The following SSR1 variants were observed in gnomAD, a reference collection of about 807,000 sequenced individuals.
SSR1 encodes the protein signal sequence receptor subunit 1, also known as translocon-associated protein subunit alpha.
Under a neutral mutation model 36.1 loss-of-function variants are expected in SSR1, and 13 were observed. The observed-to-expected ratio is 0.36, with a 90% CI of 0.23 to 0.57. The LOEUF (loss-of-function observed/expected upper bound fraction) is 0.57, where lower values mean the gene tolerates loss of function less well. Among genes scored for constraint, SSR1 ranks in the 20% least tolerant of loss-of-function variants. SSR1 has a pLI of 0.81. For missense variants in SSR1, 291 were observed against 338.5 expected (o/e 0.86, Z 1.10); for synonymous variants, 113 against 118.9 (o/e 0.95, Z 0.32).
Position 7,293,959 on chromosome 6 carries a change from T to C in SSR1, c.793+1433A>G, listed in dbSNP as rs144139129. On this transcript the variant is annotated intron_variant, in intron 7 of 7. Transcript: ENST00000244763. ...ATTAAATAGGCAATATTGTGCATGG[T>C]TGAGAACATAAATTGGCACTACCTT... Among the ~76,000 whole-genome samples the C allele has an allele frequency of 1.7e-3, 260 of 152,314 alleles. 1 individual carries two copies. The highest frequency in any genetic ancestry group is 5.8e-3 in the African/African-American group (241 of 41,574).
Position 7,284,518 on chromosome 6 carries a change from G to C in SSR1, c.*5346C>G, listed in dbSNP as rs551877246. 6 of 152,286 alleles carry C rather than the reference G, an allele frequency of 3.9e-5. No homozygotes were observed. In the South Asian group the frequency reaches 1.2e-3, roughly 32 times the overall value. The allele number at this position is 152,286 out of a possible 1,614,324, so 9.4% of individuals were successfully genotyped here. On this transcript the variant is annotated 3_prime_UTR_variant, in exon 8 of 8. Coordinates refer to ENST00000244763, the MANE Select transcript of SSR1 (RefSeq NM_003144.5). ...CCATGCTTCATGGGATGTTATTACA[G>C]TATGGTGCTTTACAGCGAAAATGAG...
chr6:7,298,132 T>C, intron 5 of SSR1, 131 bp from the exon 6 acceptor site: 1 of 625,282 alleles, frequency 1.6e-6, no homozygotes, highest in Non-Finnish European at 2.6e-6. Flanking sequence ...AAATGCTTTG[T>C]ATTCAACTTA....
At position 7,295,379 on chromosome 6, in the gene SSR1, T is replaced by TAA. The variant is rs1199147674; in HGVS notation, c.793+11_793+12dup. ...GAGAAAAACTTCCCAGCCAAGTCTG[T>TAA]AAGACTACTTACTGATTTGATTCAA... On this transcript the variant is annotated intron_variant, in intron 7 of 7. Coordinates refer to ENST00000244763, the MANE Select transcript of SSR1 (RefSeq NM_003144.5). 1.3e-6 allele frequency: 2 copies of TAA among 1,595,430 alleles called. No individual in the cohort carries two copies. The highest frequency in any genetic ancestry group is 3.4e-5 in the Admixed American group (2 of 58,292).
Position 7,288,521 on chromosome 6 carries a change from G to A in SSR1, c.*1343C>T, listed in dbSNP as rs1037570279. Reference sequence around the variant, plus strand: ...TTTGTTTTTTTGTCTGTGTGGGCATGAGCATAGGGGAGGTTATACTGAAAA... The same window carrying A: ...TTTGTTTTTTTGTCTGTGTGGGCATAAGCATAGGGGAGGTTATACTGAAAA... On this transcript the variant is annotated 3_prime_UTR_variant, in exon 8 of 8. Transcript: ENST00000244763. 6.6e-6 allele frequency: 1 copy of A among 152,544 alleles called. No individual in the cohort carries two copies. The highest frequency in any genetic ancestry group is 2.4e-5 in the African/African-American group (1 of 41,430). 9.4% of individuals were successfully genotyped at this position (152,544 alleles called of 1,614,324 possible).
chr6:7,289,515 G>GA lies in SSR1; in HGVS notation c.*348dup, dbSNP rs5874088. 89,011 of 235,720 alleles carry GA rather than the reference G, an allele frequency of 0.38. 17,164 individuals are homozygous for GA. The highest frequency in any genetic ancestry group is 0.42 in the South Asian group (4,557 of 10,846). The allele number at this position is 235,720 out of a possible 1,614,324, so 14.6% of individuals were successfully genotyped here. ...GGTAAATATTAACTGAGTTTTGGGG[G>GA]AAAAAATCAGAAAATGTCAAAAAGG... On this transcript the variant is annotated 3_prime_UTR_variant, in exon 8 of 8. Transcript: ENST00000244763.
At chr6:7,293,929 G>A (rs1189471126) in intron 7 of SSR1, among the ~76,000 whole-genome samples, 1 of 152,116 alleles carries the variant, frequency 6.6e-6, no homozygotes, top group African/African-American at 2.4e-5. Flanking sequence ...ATATCATACC[G>A]ACAGATTAAA....
chr6:7,311,269 A>G (rs1196845321), intron 1 of SSR1, among the ~76,000 whole-genome samples: 1 of 150,846 alleles, frequency 6.6e-6, no homozygotes, highest in Non-Finnish European at 1.5e-5. Context: ...AGTAAGTCAC[A>G]TTATATCTAT....
chr6:7,284,682 G>T lies in SSR1; in HGVS notation c.*5182C>A, dbSNP rs1757508173. 6.6e-6 allele frequency: 1 copy of T among 150,446 alleles called. No individual in the cohort carries two copies. 9.3% of individuals were successfully genotyped at this position (150,446 alleles called of 1,614,324 possible). A position where few individuals can be genotyped will look rare whatever the true frequency, so the allele number is the denominator to read the frequency against. The stretch of plus-strand genomic sequence containing the variant: ...GCCTCCAACTAAGAGGGGATCTGGG[G>T]TTCAAACCCAGGCAGCCTGACATGA... On this transcript the variant is annotated 3_prime_UTR_variant, in exon 8 of 8. Transcript: ENST00000244763.
intron 2 of SSR1, among the ~76,000 whole-genome samples, chr6:7,309,611 T>C (rs1440972642): frequency 6.6e-6 from 1 of 152,188 alleles, no homozygotes; most frequent in Non-Finnish European, 1.5e-5. Context: ...ACGGGGACGG[T>C]TACCTCCATG....
In SSR1 at chr6:7,286,149, C is replaced by T. The variant is rs2113263802; in HGVS notation, c.*3715G>A. On this transcript the variant is annotated 3_prime_UTR_variant, in exon 8 of 8. Transcript: ENST00000244763. ...TGACTAGAAAACAAACAGAACACAG[C>T]ACGTGATTGATGTTTAATAAATGAG... 1 of 152,116 alleles carries T rather than the reference C, an allele frequency of 6.6e-6. No individual in the cohort carries two copies. Among genetic ancestry groups the T allele is most frequent in the South Asian group, 2.1e-4 (1 of 4,818 alleles). 9.4% of individuals were successfully genotyped at this position (152,116 alleles called of 1,614,324 possible).
chr6:7,287,467 T>C lies in SSR1; in HGVS notation c.*2397A>G, dbSNP rs2113266218. ...TGAGGCTTCTACTTCTGAGGTCCCA[T>C]TTCCTTTTCCTCTCCTGGGACAATG... On this transcript the variant is annotated 3_prime_UTR_variant, in exon 8 of 8. Coordinates refer to ENST00000244763, the MANE Select transcript of SSR1 (RefSeq NM_003144.5). 1 of 152,348 alleles carries C rather than the reference T, an allele frequency of 6.6e-6. No individual in the cohort carries two copies. Among genetic ancestry groups the C allele is most frequent in the East Asian group, 1.9e-4 (1 of 5,190 alleles). 9.4% of individuals were successfully genotyped at this position (152,348 alleles called of 1,614,324 possible). A position where few individuals can be genotyped will look rare whatever the true frequency, so the allele number is the denominator to read the frequency against.
intron 6 of SSR1, among the ~76,000 whole-genome samples, chr6:7,296,074 G>A (rs536958738): frequency 4.6e-5 from 7 of 152,234 alleles, no homozygotes; most frequent in Non-Finnish European, 8.8e-5. Flanking sequence ...AGTTGGCACA[G>A]ACAAAACAAA....
chr6:7,303,488 A>T, intron 3 of SSR1, 62 bp downstream of exon 3: 1 of 1,181,226 alleles, frequency 8.5e-7, no homozygotes, highest in Non-Finnish European at 1.2e-6. Context: ...TCAGATATAT[A>T]TGAACAAGCT....
At position 7,295,396 on chromosome 6, in the gene SSR1, T is replaced by C; in HGVS notation, c.789A>G (p.Gln263=). Residue 263 remains glutamine, a synonymous_variant, in exon 7 of 8, where the codon CAA becomes CAG. Coordinates refer to ENST00000244763, the MANE Select transcript of SSR1 (RefSeq NM_003144.5). ...MSWIPQETLN[Q]INKASPRRLP... ...CAAGTCTGTAAGACTACTTACTGATTTGATTCAATGTTTCCTGAGGAATCC... is the reference window on the plus strand; with the variant it reads ...CAAGTCTGTAAGACTACTTACTGATCTGATTCAATGTTTCCTGAGGAATCC... The C allele has an allele frequency of 3.1e-6, 5 of 1,609,072 alleles. No homozygotes were observed. Among genetic ancestry groups the C allele is most frequent in the Non-Finnish European group, 4.2e-6 (5 of 1,177,630 alleles).
At position 7,286,410 on chromosome 6, in the gene SSR1, C is replaced by T. The variant is rs2113264300; in HGVS notation, c.*3454G>A. The stretch of plus-strand genomic sequence containing the variant: ...GTTTGCAAGTCAGCTGCAAGGTGTT[C>T]TTCCTCCTCAAATATCCTCTAAGGA... On this transcript the variant is annotated 3_prime_UTR_variant, in exon 8 of 8. Coordinates refer to ENST00000244763, the MANE Select transcript of SSR1 (RefSeq NM_003144.5). 1 of 152,334 alleles carries T rather than the reference C, an allele frequency of 6.6e-6. No homozygotes were observed. The highest frequency in any genetic ancestry group is 1.9e-4 in the East Asian group (1 of 5,188). The allele number at this position is 152,334 out of a possible 1,614,324, so 9.4% of individuals were successfully genotyped here. A position where few individuals can be genotyped will look rare whatever the true frequency, so the allele number is the denominator to read the frequency against.
chr6:7,290,069 C>T (rs1195423945), intron 7 of SSR1, 138 bp from the exon 8 acceptor site: 1 of 591,820 alleles, frequency 1.7e-6, no homozygotes, highest in African/African-American at 2.0e-5. Flanking sequence ...TAATGAATGC[C>T]TCCTATCTAG....
chr6:7,296,022 C>CAT (rs1757787443), intron 6 of SSR1, among the ~76,000 whole-genome samples: 1 of 152,196 alleles, frequency 6.6e-6, no homozygotes, highest in South Asian at 2.1e-4. Context: ...TGATATGTTA[C>CAT]ATGCAGGCAG....
chr6:7,307,932 T>C (rs1294806371), intron 2 of SSR1, among the ~76,000 whole-genome samples: 2 of 152,234 alleles, frequency 1.3e-5, no homozygotes, highest in African/African-American at 2.4e-5. Context: ...TAAATTTCAG[T>C]ACATGCCCAA....
chr6:7,307,484 C>T (rs537755259), intron 2 of SSR1, among the ~76,000 whole-genome samples: 7 of 152,214 alleles, frequency 4.6e-5, no homozygotes, highest in Admixed American at 1.3e-4. Flanking sequence ...TTCTGGTCAA[C>T]GACACAAGGC....
Sources: gnomAD v4.1 joint callset for allele counts (sites outside exome capture counted in the v4.1 genomes callset) on GRCh38, gnomAD v4.1.1 for gene constraint, MANE v1.5 for transcripts, NCBI Gene and HGNC (gene_info 2026-07-23, HGNC 2026-07-21) for gene names.